The following FBXO28 variants were observed in gnomAD, a reference collection of about 807,000 sequenced individuals.
FBXO28 encodes the protein F-box only protein 28.
A neutral mutation model predicts 38.1 loss-of-function variants in FBXO28; 8 were observed. That is an observed-to-expected ratio of 0.21 (90% CI 0.12 to 0.38). FBXO28 has a LOEUF of 0.38. FBXO28 is among the 10% of genes least tolerant of loss of function. The pLI, the probability that FBXO28 is intolerant of heterozygous loss-of-function variation, is 1.00. For synonymous variants in FBXO28, 168 were observed against 173.8 expected, an observed-to-expected ratio of 0.97 and a Z score of 0.26; for missense variants, 345 against 460.6, an observed-to-expected ratio of 0.75 and a Z score of 2.30.
At chr1:224,157,322 G>C (rs368555348) in intron 4 of FBXO28, 30 bp from the exon 5 acceptor site, 31 of 1,556,710 alleles carry the variant, frequency 2.0e-5, no homozygotes, top group Middle Eastern at 1.7e-4. Context: ...CATTTTAAGT[G>C]ACTGACCCTT....
At chr1:224,156,689 G>A (rs1047990413) in intron 4 of FBXO28, among the ~76,000 whole-genome samples, 3 of 152,156 alleles carry the variant, frequency 2.0e-5, no homozygotes, top group African/African-American at 7.2e-5. Context: ...TGTTTGTTAT[G>A]TGAATTAGAT....
intron 3 of FBXO28, among the ~76,000 whole-genome samples, chr1:224,149,504 T>G (rs1007887504): frequency 4.6e-5 from 7 of 152,174 alleles, no homozygotes; most frequent in African/African-American, 1.7e-4. Context: ...AAACAAATTC[T>G]TGTGTTGAAT....
chr1:224,116,092 A>T (rs758225873), intron 1 of FBXO28, among the ~76,000 whole-genome samples: 1 of 152,170 alleles, frequency 6.6e-6, no homozygotes, highest in Admixed American at 6.5e-5. Flanking sequence ...GATTTTTCAT[A>T]AGGAGTCCCT....
At chr1:224,144,692 G>A (rs1332618707) in intron 3 of FBXO28, among the ~76,000 whole-genome samples, 5 of 151,114 alleles carry the variant, frequency 3.3e-5, no homozygotes, top group Admixed American at 3.3e-4. Flanking sequence ...GGGAGGTGGG[G>A]GTTGCAGTGA....
intron 2 of FBXO28, among the ~76,000 whole-genome samples, chr1:224,132,581 G>A (rs1352380347): frequency 1.3e-5 from 2 of 152,072 alleles, no homozygotes; most frequent in Admixed American, 1.3e-4. Flanking sequence ...CAAGGCAGGT[G>A]GATCACCTGA....
At position 224,147,249 on chromosome 1, in the gene FBXO28, C is replaced by T. The variant is rs4653989; in HGVS notation, c.517-5893C>T. Among the ~76,000 whole-genome samples the T allele has an allele frequency of 2.7e-3, 402 of 151,374 alleles. 2 individuals are homozygous for T. The highest frequency in any genetic ancestry group is 8.8e-3 in the African/African-American group (364 of 41,350). ...ACCAGCCTGACCAATATGGTGAACC[C>T]GCATCTCTACTAAAAATACAAAAAT... On this transcript the variant is annotated intron_variant, in intron 3 of 4. Transcript: ENST00000366862.
intron 2 of FBXO28, among the ~76,000 whole-genome samples, chr1:224,131,284 GCTGT>G (rs1200830651): frequency 4.0e-5 from 6 of 151,358 alleles, no homozygotes; most frequent in Non-Finnish European, 8.8e-5. Flanking sequence ...CAAAAATTCA[GCTGT>G]CTTTTTTTTT....
intron 3 of FBXO28, among the ~76,000 whole-genome samples, chr1:224,135,468 C>T (rs1029573229): frequency 7.3e-5 from 11 of 151,650 alleles, no homozygotes; most frequent in Admixed American, 2.0e-4. Flanking sequence ...TGATCCAGGC[C>T]GGCTGTAGTG....
intron 3 of FBXO28, among the ~76,000 whole-genome samples, chr1:224,143,259 T>G (rs1040462519): frequency 6.6e-6 from 1 of 151,940 alleles, no homozygotes; most frequent in Non-Finnish European, 1.5e-5. Flanking sequence ...AAAAATCAGT[T>G]CCCGGCCAGG....
chr1:224,115,512 A>G (rs1016083519), intron 1 of FBXO28, among the ~76,000 whole-genome samples: 1 of 152,248 alleles, frequency 6.6e-6, no homozygotes, highest in African/African-American at 2.4e-5. Flanking sequence ...GGAAATCATA[A>G]CATTTTTAAA....
At chr1:224,144,401 C>T (rs559530775) in intron 3 of FBXO28, among the ~76,000 whole-genome samples, 3 of 152,110 alleles carry the variant, frequency 2.0e-5, no homozygotes, top group Non-Finnish European at 4.4e-5. Context: ...GTCAGGGCTG[C>T]AGCGAGATGT....
chr1:224,118,428 T>C (rs1656695730), intron 1 of FBXO28, among the ~76,000 whole-genome samples: 3 of 152,218 alleles, frequency 2.0e-5, no homozygotes, highest in South Asian at 2.1e-4. Context: ...GGAGCTCTTA[T>C]CATTTTAATT....
At chr1:224,148,669 G>GAAA in intron 3 of FBXO28, among the ~76,000 whole-genome samples, 1 of 135,454 alleles carries the variant, frequency 7.4e-6, no homozygotes, top group East Asian at 2.1e-4. Context: ...CTCAAAAAAA[G>GAAA]AAAAAAAAAA....
chr1:224,135,461 T>C (rs114578979), intron 3 of FBXO28, among the ~76,000 whole-genome samples: 2,162 of 151,862 alleles, frequency 0.014, 62 homozygotes, highest in African/African-American at 0.049. Context: ...ATATTTATGA[T>C]CCAGGCCGGC....
intron 1 of FBXO28, among the ~76,000 whole-genome samples, chr1:224,125,663 A>T (rs1656887461): frequency 6.9e-6 from 1 of 144,378 alleles, no homozygotes; most frequent in South Asian, 2.2e-4. Flanking sequence ...TTTTTCTGAC[A>T]CGGAGTCTCG....
At chr1:224,156,298 T>A (rs1572028513) in intron 4 of FBXO28, among the ~76,000 whole-genome samples, 1 of 152,198 alleles carries the variant, frequency 6.6e-6, no homozygotes, top group African/African-American at 2.4e-5. Flanking sequence ...TCCTACACCA[T>A]GTCAGGAATT....
In FBXO28 at chr1:224,114,181, G is replaced by A. The variant is rs1366228531; in HGVS notation, c.52G>A (p.Gly18Ser). ...GGCAGAGGAAGGAGGCGGCGGCCAA[G>A]GCGACGGCGGTTCCTCTTTGGCCTC... ...RMAEEGGGGQ[G>S]DGGSSLASGS... Residue 18 changes from glycine (G) to serine (S), a missense_variant, in exon 1 of 5, where the codon GGC becomes AGC. Gly to Ser is a moderately conservative substitution (Grantham distance 56). Around this residue, in one of 6 missense-constraint regions of FBXO28, gnomAD observed 104 missense variants for 82.0 expected, o/e 1.27. Transcript: ENST00000366862. 1.3e-6 allele frequency: 2 copies of A among 1,547,506 alleles called. No homozygotes were observed. Among genetic ancestry groups the A allele is most frequent in the Admixed American group, 2.0e-5 (1 of 50,904 alleles).
intron 4 of FBXO28, among the ~76,000 whole-genome samples, chr1:224,155,751 T>C (rs981556045): frequency 6.6e-6 from 1 of 152,234 alleles, no homozygotes. Context: ...TCAGCATTAA[T>C]GTATCTGTTA....
chr1:224,115,180 A>C (rs1170014944), intron 1 of FBXO28, among the ~76,000 whole-genome samples: 7 of 152,220 alleles, frequency 4.6e-5, no homozygotes, highest in Non-Finnish European at 1.0e-4. Flanking sequence ...AGGTCAGTCC[A>C]TGATTTTTAA....
Sources: gnomAD v4.1 joint callset for allele counts (sites outside exome capture counted in the v4.1 genomes callset) on GRCh38, gnomAD v4.1.1 for gene constraint, gnomAD v4.1.1 regional missense constraint, MANE v1.5 for transcripts, NCBI Gene and HGNC (gene_info 2026-07-23, HGNC 2026-07-21) for gene names.